Variants in NEDD4L observed in about 807,000 individuals in gnomAD.
The protein encoded by NEDD4L is NEDD4 like E3 ubiquitin protein ligase.
A neutral mutation model predicts 148.9 loss-of-function variants in NEDD4L; 54 were observed. That is an observed-to-expected ratio of 0.36 (90% confidence interval 0.29 to 0.45). The LOEUF (loss-of-function observed/expected upper bound fraction) is 0.45. Among genes scored for constraint, NEDD4L ranks in the 20% least tolerant of loss-of-function variants. The pLI is 1.00. For missense variants in NEDD4L, 856 were observed against 1,233.8 expected (o/e 0.69, Z 4.59); for synonymous variants, 433 against 440.7 (o/e 0.98, Z 0.22).
chr18:58,067,767 A>G (rs2082675395), intron 1 of NEDD4L, among the ~76,000 whole-genome samples: 1 of 152,270 alleles, frequency 6.6e-6, no homozygotes, highest in Middle Eastern at 3.4e-3. Context: ...TGTTGTGCAG[A>G]TGTGGGTGAG....
intron 1 of NEDD4L, chr18:58,045,359 G>A (rs973671468): frequency 4.9e-5 from 19 of 388,968 alleles, no homozygotes; most frequent in African/African-American, 3.1e-4. Flanking sequence ...GAGGAAGCTT[G>A]CAGCCCTGCC....
intron 2 of NEDD4L, among the ~76,000 whole-genome samples, chr18:58,234,330 C>G (rs1480410697): frequency 8.6e-5 from 11 of 127,324 alleles, no homozygotes; most frequent in Middle Eastern, 3.7e-3. Context: ...CTCCTTCTCT[C>G]CCTCCCTCCC....
intron 1 of NEDD4L, among the ~76,000 whole-genome samples, chr18:58,136,865 C>T (rs899574355): frequency 1.4e-4 from 21 of 152,174 alleles, no homozygotes; most frequent in Non-Finnish European, 4.4e-5. Context: ...GTGTTGTATA[C>T]ACTGACTGGA....
intron 1 of NEDD4L, among the ~76,000 whole-genome samples, chr18:58,113,516 G>A (rs2085544401): frequency 6.6e-6 from 1 of 152,168 alleles, no homozygotes. Flanking sequence ...CTAAAGGAAG[G>A]GGAGGAGCTT....
intron 24 of NEDD4L, among the ~76,000 whole-genome samples, chr18:58,379,816 A>T (rs900368839): frequency 6.6e-6 from 1 of 151,922 alleles, no homozygotes; most frequent in Non-Finnish European, 1.5e-5. Context: ...TCCTAGAGGG[A>T]TGCATTTCTG....
Position 58,256,461 on chromosome 18 carries a change from G to T in NEDD4L, c.297+4407G>T. 1 of 1,232,334 alleles carries T rather than the reference G, an allele frequency of 8.1e-7. No individual in the cohort carries two copies. The highest frequency in any genetic ancestry group is 1.0e-6 in the Non-Finnish European group (1 of 988,080). The allele number at this position is 1,232,334 out of a possible 1,614,324, so 76.3% of individuals were successfully genotyped here. On this transcript the variant is annotated intron_variant, in intron 5 of 30. Coordinates refer to ENST00000400345, the MANE Select transcript of NEDD4L (RefSeq NM_001144967.3). This position sits in a 1 kb window ranked among gnomAD's most constrained non-coding sequence, Gnocchi z 5.2. ...GGCACAAAGGGGGACAGGTTGGTGA[G>T]GTATCCTCGCATTCGGCTGGAGAGG...
intron 1 of NEDD4L, among the ~76,000 whole-genome samples, chr18:58,135,274 A>C (rs2032711757): frequency 6.6e-6 from 1 of 152,256 alleles, no homozygotes; most frequent in African/African-American, 2.4e-5. Flanking sequence ...CGAGGAGAGA[A>C]GGGACGATGA....
intron 1 of NEDD4L, among the ~76,000 whole-genome samples, chr18:58,100,190 G>A (rs1161344607): frequency 6.6e-6 from 1 of 152,128 alleles, no homozygotes; most frequent in African/African-American, 2.4e-5. Context: ...CTGGAGTGGG[G>A]AGGAGCACTT....
At chr18:58,256,000 A>G in intron 5 of NEDD4L, 1 of 1,230,486 alleles carries the variant, frequency 8.1e-7, no homozygotes, top group Admixed American at 4.2e-5. Context: ...CTCCATGCGC[A>G]ACGCCCGACC....
At chr18:58,327,008 AAG>A (rs2059367601) in intron 9 of NEDD4L, among the ~76,000 whole-genome samples, 1 of 152,244 alleles carries the variant, frequency 6.6e-6, no homozygotes, top group Non-Finnish European at 1.5e-5. Context: ...AGTGATTTAA[AAG>A]AGAAACCATC....
At chr18:58,361,978 ATGTAAAAACT>A (rs2045549594) in intron 19 of NEDD4L, among the ~76,000 whole-genome samples, 1 of 152,220 alleles carries the variant, frequency 6.6e-6, no homozygotes, top group African/African-American at 2.4e-5. Flanking sequence ...CAGGAAGAGA[ATGTAAAAACT>A]TGCTCTTCTT....
chr18:58,091,024 C>T (rs1194579479), intron 1 of NEDD4L: 1 of 152,184 alleles, frequency 6.6e-6, no homozygotes, highest in Non-Finnish European at 1.5e-5. Flanking sequence ...CACCTTACTT[C>T]TACCCTTGGA....
intron 1 of NEDD4L, among the ~76,000 whole-genome samples, chr18:58,107,032 G>A (rs561370073): frequency 1.3e-5 from 2 of 152,240 alleles, no homozygotes; most frequent in Admixed American, 6.5e-5. Context: ...GTGTTGACAG[G>A]CATGGGTTCT....
Position 58,164,840 on chromosome 18 carries a change from T to C in NEDD4L, c.49-948T>C, listed in dbSNP as rs149616693. 3.5e-3 allele frequency among the ~76,000 whole-genome samples: 526 copies of C among 152,294 alleles called. 17 individuals are homozygous for C. Among genetic ancestry groups the C allele is most frequent in the Admixed American group, 0.03 (458 of 15,304 alleles). On this transcript the variant is annotated intron_variant, in intron 1 of 30. Transcript: ENST00000400345. ...CTTGGTTATAACTGCAGGCTCTACA[T>C]TGATAACTGCTGAGTCTCTAAGTCA...
At chr18:58,387,916 C>G (rs1291913534) in intron 27 of NEDD4L, 1 of 155,154 alleles carries the variant, frequency 6.4e-6, no homozygotes, top group Non-Finnish European at 1.4e-5. Context: ...CAAGTATCCT[C>G]TGCTGCATCC....
chr18:58,124,614 A>G (rs1568250430), intron 1 of NEDD4L, among the ~76,000 whole-genome samples: 1 of 152,154 alleles, frequency 6.6e-6, no homozygotes, highest in Non-Finnish European at 1.5e-5. Flanking sequence ...GAGGACCAAG[A>G]TGATTCTCAA....
chr18:58,121,067 A>G (rs112490501), intron 1 of NEDD4L, among the ~76,000 whole-genome samples: 67 of 152,346 alleles, frequency 4.4e-4, no homozygotes, highest in African/African-American at 1.5e-3. Flanking sequence ...AAGACATGCC[A>G]TTTCAGCAAT....
rs1236033771 is a variant in NEDD4L, at chr18:58,350,877, A to C, written c.1654-114A>C. 6 of 740,944 alleles carry C rather than the reference A, an allele frequency of 8.1e-6. No homozygotes were observed. In the East Asian group the frequency reaches 1.6e-4, roughly 20 times the overall value. The allele number at this position is 740,944 out of a possible 1,614,324, so 45.9% of individuals were successfully genotyped here. A position where few individuals can be genotyped will look rare whatever the true frequency, so the allele number is the denominator to read the frequency against. On this transcript the variant is annotated intron_variant, in intron 17 of 30. Coordinates refer to ENST00000400345, the MANE Select transcript of NEDD4L (RefSeq NM_001144967.3). ...TAGTTCACGCTCAATGCATAAATGT[A>C]CCCTAGCAGAAAAGAGTACAGAGGT...
chr18:58,258,813 AT>A (rs1351559177), intron 5 of NEDD4L, among the ~76,000 whole-genome samples: 1 of 152,240 alleles, frequency 6.6e-6, no homozygotes, highest in Non-Finnish European at 1.5e-5. Context: ...CGCCTGCTCC[AT>A]TCAGCAACTT....
Sources: gnomAD v4.1 joint callset for allele counts (sites outside exome capture counted in the v4.1 genomes callset) on GRCh38, gnomAD v4.1.1 for gene constraint, Gnocchi (gnomAD v3.1) non-coding constraint, MANE v1.5 for transcripts, NCBI Gene and HGNC (gene_info 2026-07-23, HGNC 2026-07-21) for gene names.